Variants in FAM81B observed in about 807,000 individuals in gnomAD.
FAM81B encodes the protein protein FAM81B.
In FAM81B, 60 loss-of-function variants were observed where a neutral mutation model predicts 58.7. The observed-to-expected ratio is 1.02, with a 90% CI of 0.83 to 1.27. The LOEUF (loss-of-function observed/expected upper bound fraction) is 1.27. Ranked by LOEUF, FAM81B falls within the 50% of genes most tolerant of loss-of-function variation. The pLI is 0.00. For missense variants in FAM81B, 491 were observed against 522.0 expected, an observed-to-expected ratio of 0.94 and a Z score of 0.58; for synonymous variants, 189 against 179.6, an observed-to-expected ratio of 1.05 and a Z score of -0.42.
chr5:95,410,441 TA>T (rs1179095148), intron 3 of FAM81B, among the ~76,000 whole-genome samples: 2 of 152,176 alleles, frequency 1.3e-5, no homozygotes, highest in African/African-American at 4.8e-5. Context: ...CAGAAAATGC[TA>T]ATGTTCACAA....
At chr5:95,418,171 A>C (rs1203478491) in intron 4 of FAM81B, among the ~76,000 whole-genome samples, 5 of 152,202 alleles carry the variant, frequency 3.3e-5, no homozygotes, top group African/African-American at 4.8e-5. Context: ...TGTCCAGCAC[A>C]TTCACACTGT....
At chr5:95,395,967 G>A in intron 2 of FAM81B, 144 bp from the exon 3 acceptor site, 1 of 569,366 alleles carries the variant, frequency 1.8e-6, no homozygotes, top group Non-Finnish European at 3.0e-6. Flanking sequence ...AATACAAAGG[G>A]GACATGTGTA....
At chr5:95,408,472 C>T (rs1161296991) in intron 3 of FAM81B, among the ~76,000 whole-genome samples, 3 of 152,138 alleles carry the variant, frequency 2.0e-5, no homozygotes, top group East Asian at 1.9e-4. Flanking sequence ...TGTATGGACC[C>T]GGAAATCATC....
At chr5:95,406,068 GAGA>G (rs1029836569) in intron 3 of FAM81B, 3 of 154,270 alleles carry the variant, frequency 1.9e-5, no homozygotes, top group Non-Finnish European at 2.9e-5. Flanking sequence ...CAAGGAAATA[GAGA>G]AGAAGAGCAG....
At chr5:95,420,122 T>A (rs144535069) in intron 4 of FAM81B, among the ~76,000 whole-genome samples, 162 bp from the exon 5 acceptor site, 337 of 152,324 alleles carry the variant, frequency 2.2e-3, no homozygotes, top group Middle Eastern at 6.8e-3. Flanking sequence ...TTCCCTCAGA[T>A]AAATTAGCAG....
At position 95,450,250 on chromosome 5, in the gene FAM81B, C is replaced by T; in HGVS notation, c.1327C>T (p.Gln443Ter). 6.2e-7 allele frequency: 1 copy of T among 1,613,216 alleles called. No individual in the cohort carries two copies. Among genetic ancestry groups the T allele is most frequent in the Non-Finnish European group, 8.5e-7 (1 of 1,179,562 alleles). ...YKVQKDLKKL[Q>*]RKIVELQEV ...AGTACAGAAAGACCTAAAGAAATTACAGCGCAAGATAGTGGAACTCCAGGA... is the reference window on the plus strand; with the variant it reads ...AGTACAGAAAGACCTAAAGAAATTATAGCGCAAGATAGTGGAACTCCAGGA... The change falls in exon 10 of 10, where the codon CAG (glutamine) becomes TAG (stop). Residue 443 changes from glutamine (Q) to a stop codon, truncating the protein, a stop_gained. Transcript: ENST00000283357. LOFTEE classifies it high-confidence loss of function.
chr5:95,439,580 T>C (rs1745248094), intron 7 of FAM81B, among the ~76,000 whole-genome samples: 1 of 150,406 alleles, frequency 6.6e-6, no homozygotes, highest in South Asian at 2.1e-4. Context: ...AAATGTATTT[T>C]GCTCAAAGAG....
At chr5:95,428,868 C>T in intron 6 of FAM81B, 136 bp downstream of exon 6, 2 of 1,146,736 alleles carry the variant, frequency 1.7e-6, no homozygotes, top group East Asian at 4.9e-5. Context: ...TCTGACAGCT[C>T]ACTCATATAC....
chr5:95,435,158 G>A (rs529580026), intron 6 of FAM81B, among the ~76,000 whole-genome samples: 1 of 152,322 alleles, frequency 6.6e-6, no homozygotes, highest in African/African-American at 2.4e-5. Context: ...CTGGACACTC[G>A]TGATGGATTT....
intron 2 of FAM81B, among the ~76,000 whole-genome samples, chr5:95,394,003 T>G (rs181057157): frequency 6.6e-6 from 1 of 152,256 alleles, no homozygotes; most frequent in East Asian, 1.9e-4. Context: ...ATATAAAAAT[T>G]TAAATACTGT....
chr5:95,424,272 T>C (rs552333388), intron 5 of FAM81B: 1 of 1,247,912 alleles, frequency 8.0e-7, no homozygotes, highest in African/African-American at 1.5e-5. Flanking sequence ...CATCCCCAGA[T>C]AGACAGAAGA....
chr5:95,447,489 G>A (rs1312306842), intron 8 of FAM81B, among the ~76,000 whole-genome samples: 2 of 152,210 alleles, frequency 1.3e-5, no homozygotes, highest in Non-Finnish European at 2.9e-5. Flanking sequence ...GCTGCCGAGT[G>A]GGACTGCTAG....
intron 5 of FAM81B, among the ~76,000 whole-genome samples, chr5:95,422,422 C>T (rs1457396767): frequency 6.6e-6 from 1 of 151,804 alleles, no homozygotes; most frequent in South Asian, 2.1e-4. Flanking sequence ...TATCAGCAAA[C>T]CCACAACCCT....
chr5:95,445,162 CTTAA>C (rs1422644682), intron 7 of FAM81B, among the ~76,000 whole-genome samples: 1 of 152,158 alleles, frequency 6.6e-6, no homozygotes, highest in Non-Finnish European at 1.5e-5. Context: ...TCCAGCATGA[CTTAA>C]TTAATTTCCA....
chr5:95,414,194 GT>G lies in FAM81B; in HGVS notation c.537+6del, dbSNP rs1274193689. 6.3e-7 allele frequency: 1 copy of G among 1,588,482 alleles called. No homozygotes were observed. Among genetic ancestry groups the G allele is most frequent in the East Asian group, 2.2e-5 (1 of 44,636 alleles). Reference sequence around the variant, plus strand: ...AAAACTCAGCCAAAATATTGAGGTAGTTCTCTTTTTGTTTTATTTTGTTTTT... The same window carrying G: ...AAAACTCAGCCAAAATATTGAGGTAGTCTCTTTTTGTTTTATTTTGTTTTT... On this transcript the variant is annotated splice_donor_5th_base_variant and intron_variant, in intron 4 of 9. Transcript: ENST00000283357.
At chr5:95,423,023 C>T in intron 5 of FAM81B, among the ~76,000 whole-genome samples, 1 of 152,160 alleles carries the variant, frequency 6.6e-6, no homozygotes, top group Non-Finnish European at 1.5e-5. Flanking sequence ...AATTCACCCT[C>T]CCTCTCCTGT....
chr5:95,418,760 G>C (rs576464452), intron 4 of FAM81B, among the ~76,000 whole-genome samples: 15 of 152,170 alleles, frequency 9.9e-5, no homozygotes, highest in Middle Eastern at 3.4e-3. Context: ...CTCATTCAAA[G>C]ACAAAATAAT....
At chr5:95,405,935 C>T (rs1392929534) in intron 3 of FAM81B, among the ~76,000 whole-genome samples, 1 of 152,194 alleles carries the variant, frequency 6.6e-6, no homozygotes. Flanking sequence ...AATTGTTCCC[C>T]AAGTTTCTTG....
intron 1 of FAM81B, among the ~76,000 whole-genome samples, chr5:95,392,466 T>C (rs1332347595): frequency 6.6e-6 from 1 of 152,150 alleles, no homozygotes; most frequent in Admixed American, 6.5e-5. Flanking sequence ...CAAACCTGCA[T>C]GTTCTGCACG....
Sources: gnomAD v4.1 joint callset for allele counts (sites outside exome capture counted in the v4.1 genomes callset) on GRCh38, gnomAD v4.1.1 for gene constraint, MANE v1.5 for transcripts, NCBI Gene and HGNC (gene_info 2026-07-23, HGNC 2026-07-21) for gene names.